The following PALM2AKAP2 variants were observed in gnomAD, a reference collection of about 807,000 sequenced individuals.
The protein encoded by PALM2AKAP2 is PALM2 and AKAP2 fusion.
A neutral mutation model predicts 71.5 loss-of-function variants in PALM2AKAP2; 37 were observed. That is an observed-to-expected ratio of 0.52 (90% CI 0.40 to 0.68). PALM2AKAP2 has a LOEUF of 0.68. PALM2AKAP2 is among the 30% of genes least tolerant of loss of function. The pLI, the probability that PALM2AKAP2 is intolerant of heterozygous loss-of-function variation, is 0.00. For missense variants in PALM2AKAP2, 1,224 were observed against 1,191.8 expected, an observed-to-expected ratio of 1.03 and a Z score of -0.40; for synonymous variants, 468 against 478.8, an observed-to-expected ratio of 0.98 and a Z score of 0.29.
intron 1 of PALM2AKAP2, among the ~76,000 whole-genome samples, chr9:109,666,811 G>C (rs1052891483): frequency 6.6e-6 from 1 of 152,198 alleles, no homozygotes; most frequent in African/African-American, 2.4e-5. Flanking sequence ...GTGACCCAGA[G>C]AAGAATCAGG....
At chr9:109,965,810 A>G (rs1831936087) in intron 6 of PALM2AKAP2, among the ~76,000 whole-genome samples, 1 of 152,228 alleles carries the variant, frequency 6.6e-6, no homozygotes, top group Non-Finnish European at 1.5e-5. Flanking sequence ...AAAAAGAGCT[A>G]AAAAGAGATA....
intron 1 of PALM2AKAP2, among the ~76,000 whole-genome samples, chr9:109,797,367 A>G (rs1827290201): frequency 6.6e-6 from 1 of 152,174 alleles, no homozygotes; most frequent in Admixed American, 6.5e-5. Flanking sequence ...CACCTTTTTT[A>G]TCAGGGGCTC....
chr9:109,840,001 T>C (rs1018242258), intron 1 of PALM2AKAP2, among the ~76,000 whole-genome samples: 1 of 152,152 alleles, frequency 6.6e-6, no homozygotes, highest in African/African-American at 2.4e-5. Flanking sequence ...CTTCATAGAA[T>C]TGGAAAAAAC....
intron 2 of PALM2AKAP2, among the ~76,000 whole-genome samples, chr9:110,150,684 A>G (rs532557950): frequency 1.3e-5 from 2 of 152,358 alleles, no homozygotes; most frequent in South Asian, 4.1e-4. Context: ...TGCCCACCAC[A>G]GGAGGCAACA....
intron 3 of PALM2AKAP2, among the ~76,000 whole-genome samples, chr9:109,913,608 G>T (rs1830620267): frequency 6.6e-6 from 1 of 152,064 alleles, no homozygotes; most frequent in Non-Finnish European, 1.5e-5. Flanking sequence ...GCTCTGATTA[G>T]CTGTGATCCC....
intron 6 of PALM2AKAP2, among the ~76,000 whole-genome samples, chr9:109,979,054 A>G (rs755219730): frequency 7.9e-5 from 12 of 151,552 alleles, no homozygotes; most frequent in Non-Finnish European, 1.6e-4. Flanking sequence ...CAGTGGTGCA[A>G]TCTTGGCTCA....
At chr9:110,053,803 G>A (rs922491717) in intron 1 of PALM2AKAP2, among the ~76,000 whole-genome samples, 1 of 152,186 alleles carries the variant, frequency 6.6e-6, no homozygotes, top group Admixed American at 6.5e-5. Flanking sequence ...TTGGAAGGAT[G>A]CATGAACTCG....
intron 1 of PALM2AKAP2, among the ~76,000 whole-genome samples, chr9:109,684,599 A>C (rs1827782115): frequency 6.6e-6 from 1 of 152,210 alleles, no homozygotes; most frequent in South Asian, 2.1e-4. Context: ...AATACAATAA[A>C]AAGTTGACTA....
chr9:109,863,000 G>A (rs1829356375), intron 1 of PALM2AKAP2: 4 of 483,590 alleles, frequency 8.3e-6, no homozygotes, highest in South Asian at 4.5e-5. Context: ...CTATGCTAGG[G>A]AACCTGCTCT....
intron 6 of PALM2AKAP2, among the ~76,000 whole-genome samples, chr9:109,938,731 T>C (rs1831288046): frequency 6.6e-6 from 1 of 152,094 alleles, no homozygotes; most frequent in Non-Finnish European, 1.5e-5. Flanking sequence ...TCCTGAAGGA[T>C]ATTAAAAGGG....
chr9:110,067,552 A>G (rs1297041295), intron 1 of PALM2AKAP2, among the ~76,000 whole-genome samples: 1 of 152,240 alleles, frequency 6.6e-6, no homozygotes, highest in Non-Finnish European at 1.5e-5. Context: ...TTTTTAAAAT[A>G]CATTGTGCAC....
chr9:109,943,467 C>A, intron 6 of PALM2AKAP2: 1 of 1,554,258 alleles, frequency 6.4e-7, no homozygotes, highest in South Asian at 1.2e-5. Context: ...CCTGTACTCT[C>A]CACCACTCAC....
chr9:109,703,646 A>G (rs7850632), intron 1 of PALM2AKAP2, among the ~76,000 whole-genome samples: 6,582 of 151,898 alleles, frequency 0.043, 179 homozygotes, highest in Non-Finnish European at 0.052. Flanking sequence ...CTGCTTATTT[A>G]TGAAAATCAG....
intron 1 of PALM2AKAP2, among the ~76,000 whole-genome samples, chr9:109,761,408 G>A (rs1002493631): frequency 1.3e-5 from 2 of 152,124 alleles, no homozygotes; most frequent in Non-Finnish European, 2.9e-5. Context: ...TGCAGAATGT[G>A]CAGGTTTGTT....
intron 1 of PALM2AKAP2, among the ~76,000 whole-genome samples, chr9:109,647,674 A>G (rs967940961): frequency 6.6e-5 from 10 of 152,186 alleles, no homozygotes; most frequent in Non-Finnish European, 1.5e-4. Context: ...CATCACTGTC[A>G]GTGGTCGTGG....
chr9:109,990,701 A>G (rs1218132604), intron 6 of PALM2AKAP2, among the ~76,000 whole-genome samples: 1 of 152,224 alleles, frequency 6.6e-6, no homozygotes, highest in Non-Finnish European at 1.5e-5. Context: ...TGCAATAGGC[A>G]TCAGACCAAA....
At chr9:109,795,555 C>T (rs954311721) in intron 1 of PALM2AKAP2, among the ~76,000 whole-genome samples, 1 of 152,206 alleles carries the variant, frequency 6.6e-6, no homozygotes, top group African/African-American at 2.4e-5. Context: ...TGAACTCTAA[C>T]TGATAGAAAG....
intron 5 of PALM2AKAP2, among the ~76,000 whole-genome samples, chr9:109,925,606 T>C (rs907293209): frequency 3.3e-5 from 5 of 151,692 alleles, no homozygotes; most frequent in African/African-American, 1.2e-4. Flanking sequence ...GGGCAAAAAC[T>C]TCCCTCCCTG....
At chr9:110,013,992 C>T (rs1432632967) in intron 6 of PALM2AKAP2, among the ~76,000 whole-genome samples, 1 of 152,156 alleles carries the variant, frequency 6.6e-6, no homozygotes, top group African/African-American at 2.4e-5. Context: ...CATACTCATG[C>T]TCATTTGTTT....
Sources: gnomAD v4.1 joint callset for allele counts (sites outside exome capture counted in the v4.1 genomes callset) on GRCh38, gnomAD v4.1.1 for gene constraint, MANE v1.5 for transcripts, NCBI Gene and HGNC (gene_info 2026-07-23, HGNC 2026-07-21) for gene names.